The following MEIG1 variants were observed in gnomAD, a reference collection of about 807,000 sequenced individuals.
The protein encoded by MEIG1 is meiosis/spermiogenesis associated 1.
In MEIG1, 12 loss-of-function variants were observed where a neutral mutation model predicts 11.3. That is an observed-to-expected ratio of 1.07 (90% CI 0.68 to 1.73). The LOEUF (loss-of-function observed/expected upper bound fraction) is 1.73, where lower values mean the gene tolerates loss of function less well. Ranked by LOEUF, MEIG1 falls within the 40% of genes most tolerant of loss-of-function variation. The pLI is 0.00. For synonymous variants in MEIG1, 41 were observed against 33.2 expected (o/e 1.24, Z -0.81); for missense variants, 119 against 104.9 (o/e 1.13, Z -0.59).
At chr10:14,954,817 G>C (rs1447555352), upstream of MEIG1, among the ~76,000 whole-genome samples, 3 of 152,116 alleles carry the variant, frequency 2.0e-5, no homozygotes, top group African/African-American at 7.2e-5. Context: ...ACCTTTTATT[G>C]TATTTCCTTT....
downstream of MEIG1, among the ~76,000 whole-genome samples, chr10:14,976,444 G>A (rs1359155030): frequency 6.6e-6 from 1 of 152,008 alleles, no homozygotes; most frequent in African/African-American, 2.4e-5. Flanking sequence ...TACTTTTATT[G>A]TCACACGGGC....
downstream of MEIG1, among the ~76,000 whole-genome samples, chr10:14,977,080 G>C (rs569966451): frequency 7.2e-4 from 109 of 151,834 alleles, 1 homozygote; most frequent in Non-Finnish European, 1.3e-3. Context: ...ATGACACAGG[G>C]GTGTACACAT....
intron 1 of MEIG1, among the ~76,000 whole-genome samples, chr10:14,965,068 G>A (rs934895938): frequency 6.7e-6 from 1 of 149,762 alleles, no homozygotes; most frequent in Non-Finnish European, 1.5e-5. Flanking sequence ...ACAGGCTCGA[G>A]CCACCATGTC....
chr10:14,955,592 G>A (rs1842924776), upstream of MEIG1, among the ~76,000 whole-genome samples: 1 of 152,158 alleles, frequency 6.6e-6, no homozygotes, highest in African/African-American at 2.4e-5. Flanking sequence ...CAGCTACTCG[G>A]GAGGCCGAGG....
chr10:14,979,513 C>T (rs1346171182), intron 1 of MEIG1, among the ~76,000 whole-genome samples: 1 of 151,802 alleles, frequency 6.6e-6, no homozygotes, highest in African/African-American at 2.4e-5. Context: ...GATGTTACTC[C>T]CAACGTCACA....
At chr10:14,955,165 C>T (rs562384364), upstream of MEIG1, among the ~76,000 whole-genome samples, 12 of 152,192 alleles carry the variant, frequency 7.9e-5, no homozygotes, top group Non-Finnish European at 1.5e-4. Context: ...CTCCTGGCCT[C>T]ATGCGATCCG....
downstream of MEIG1, among the ~76,000 whole-genome samples, chr10:14,977,487 G>T (rs772461902): frequency 6.6e-6 from 1 of 151,864 alleles, no homozygotes; most frequent in African/African-American, 2.4e-5. Flanking sequence ...TATTGTAGGG[G>T]GATGTCACTC....
intron 2 of MEIG1, among the ~76,000 whole-genome samples, chr10:14,967,497 CTAAGA>C (rs1753297685): frequency 3.2e-5 from 4 of 125,970 alleles, no homozygotes; most frequent in South Asian, 5.4e-4. Context: ...CTCTTGGCTA[CTAAGA>C]TATTTTTTTT....
At chr10:14,958,958 G>C (rs1842979142), upstream of MEIG1, among the ~76,000 whole-genome samples, 1 of 152,092 alleles carries the variant, frequency 6.6e-6, no homozygotes, top group Non-Finnish European at 1.5e-5. Context: ...TTTTCGCTTA[G>C]ATAGTACTGT....
At chr10:14,986,848 T>C in exon 2 of MEIG1, 1 of 402,292 alleles carries the variant, frequency 2.5e-6, no homozygotes, top group South Asian at 2.0e-5. Context: ...TGGACTCAAG[T>C]GATCCCAGCG....
At chr10:14,957,276 T>G (rs1027428437), upstream of MEIG1, among the ~76,000 whole-genome samples, 6 of 152,158 alleles carry the variant, frequency 3.9e-5, no homozygotes, top group African/African-American at 1.4e-4. Flanking sequence ...CAGGGTCATG[T>G]TGATAGTAAG....
chr10:14,957,364 G>A (rs762454405), upstream of MEIG1, among the ~76,000 whole-genome samples: 39 of 152,294 alleles, frequency 2.6e-4, no homozygotes, highest in South Asian at 6.2e-4. Flanking sequence ...GCTAGCCACC[G>A]TGCCATGCTG....
chr10:14,964,975 C>T (rs918486569), intron 1 of MEIG1, among the ~76,000 whole-genome samples: 7 of 151,812 alleles, frequency 4.6e-5, no homozygotes, highest in East Asian at 1.9e-4. Context: ...TTAATAGAGA[C>T]GGGGTTTCAC....
At chr10:14,963,490 T>C (rs759619571) in intron 1 of MEIG1, among the ~76,000 whole-genome samples, 4 of 152,178 alleles carry the variant, frequency 2.6e-5, no homozygotes, top group Non-Finnish European at 5.9e-5. Flanking sequence ...AATGGATTCT[T>C]AGGCTGTATC....
chr10:14,970,933 G>C (rs992724172), intron 2 of MEIG1, among the ~76,000 whole-genome samples: 3 of 152,124 alleles, frequency 2.0e-5, no homozygotes, highest in African/African-American at 7.2e-5. Context: ...TTATGATAAA[G>C]TGCATCTCAC....
At chr10:14,960,783 T>C (rs1412068107) in intron 1 of MEIG1, among the ~76,000 whole-genome samples, 1 of 151,852 alleles carries the variant, frequency 6.6e-6, no homozygotes, top group Non-Finnish European at 1.5e-5. Context: ...TCCCAGCACT[T>C]TGGGAGGCTG....
chr10:14,977,220 A>T (rs906191973), downstream of MEIG1, among the ~76,000 whole-genome samples: 5 of 151,964 alleles, frequency 3.3e-5, no homozygotes, highest in Non-Finnish European at 7.4e-5. Flanking sequence ...ACCCTGTGAC[A>T]CTATTCGTAA....
intron 1 of MEIG1, among the ~76,000 whole-genome samples, chr10:14,962,844 A>C (rs1178512221): frequency 1.3e-5 from 2 of 151,520 alleles, no homozygotes; most frequent in African/African-American, 2.4e-5. Flanking sequence ...GGCTCACTGC[A>C]ACCTCCATCT....
intron 1 of MEIG1, among the ~76,000 whole-genome samples, chr10:14,978,726 T>C (rs1336160755): frequency 6.6e-6 from 1 of 151,988 alleles, no homozygotes; most frequent in African/African-American, 2.4e-5. Context: ...TAAAAAGACA[T>C]GACTCCTCAT....
Sources: allele counts gnomAD v4.1 joint callset (sites outside exome capture counted in the v4.1 genomes callset), GRCh38; gene constraint gnomAD v4.1.1; transcripts MANE v1.5; gene names NCBI Gene and HGNC (gene_info 2026-07-23, HGNC 2026-07-21).